The following MLC1 variants were observed in gnomAD, a reference collection of about 807,000 sequenced individuals.
The protein encoded by MLC1 is modulator of VRAC current 1.
MLC1 carries 32 observed loss-of-function variants against 44.7 expected under a neutral mutation model. That is an observed-to-expected ratio of 0.72 (90% confidence interval 0.54 to 0.96). The LOEUF (loss-of-function observed/expected upper bound fraction) is 0.96. Ranked by LOEUF, MLC1 falls within the 40% of genes least tolerant of loss-of-function variation. MLC1 has a pLI of 0.00. For missense variants in MLC1, 459 were observed against 492.2 expected (o/e 0.93, Z 0.64); for synonymous variants, 190 against 213.0 (o/e 0.89, Z 0.94).
At position 50,085,147 on chromosome 22, in the gene MLC1, T is replaced by A. The variant is rs1196926699; in HGVS notation, c.-59-186A>T. 1.6e-5 allele frequency: 22 copies of A among 1,384,440 alleles called. No individual in the cohort carries two copies. The Admixed American group carries it at 6.5e-4, about 41-fold the overall frequency. The allele number at this position is 1,384,440 out of a possible 1,614,324, so 85.8% of individuals were successfully genotyped here. A position where few individuals can be genotyped will look rare whatever the true frequency, so the allele number is the denominator to read the frequency against. ...TTCCTAGAAAAACGGACCTGAATAG[T>A]CTGGGTTCAGGGTGAGATTCTACAC... is the stretch of plus-strand genomic sequence containing the variant. On this transcript the variant is annotated intron_variant, in intron 1 of 11. Transcript: ENST00000311597.
intron 10 of MLC1, among the ~76,000 whole-genome samples, chr22:50,067,573 G>A (rs375014263): frequency 1.0e-3 from 15 of 15,072 alleles, no homozygotes; most frequent in East Asian, 2.1e-3. Context: ...CCATCCCCCC[G>A]TCAGGCAGTG....
intron 9 of MLC1, among the ~76,000 whole-genome samples, chr22:50,069,051 C>T (rs1206682403): frequency 2.0e-5 from 3 of 150,618 alleles, no homozygotes; most frequent in Non-Finnish European, 3.0e-5. Context: ...TTTTGAGAGG[C>T]AGCCTAGCTG....
At chr22:50,081,059 G>GAAAGAAAGAAAGAAAGAAAGAGAAA (rs1484447304) in intron 3 of MLC1, among the ~76,000 whole-genome samples, 1 of 19,176 alleles carries the variant, frequency 5.2e-5, no homozygotes, top group African/African-American at 1.4e-4. Flanking sequence ...GAAAGAAAGA[G>GAAAGAAAGAAAGAAAGAAAGAGAAA]GAGGTCTGGT....
In MLC1 at chr22:50,061,231, G is replaced by A; in HGVS notation, c.*352C>T. 2.5e-6 allele frequency: 1 copy of A among 392,782 alleles called. No individual in the cohort carries two copies. The highest frequency in any genetic ancestry group is 3.6e-5 in the Admixed American group (1 of 27,506). 24.3% of individuals were successfully genotyped at this position (392,782 alleles called of 1,614,324 possible). A position where few individuals can be genotyped will look rare whatever the true frequency, so the allele number is the denominator to read the frequency against. ...GGTCAGGTCCAGAGAGCCCACTCCA[G>A]CCCAAGCCATGAGAGAGGCAGGAAG... On this transcript the variant is annotated 3_prime_UTR_variant, in exon 12 of 12. Transcript: ENST00000311597.
In MLC1 at chr22:50,074,292, C is replaced by T; in HGVS notation, c.638G>A (p.Gly213Glu). The T allele has an allele frequency of 6.2e-7, 1 of 1,614,120 alleles. No homozygotes were observed. Among genetic ancestry groups the T allele is most frequent in the Non-Finnish European group, 8.5e-7 (1 of 1,180,032 alleles). Residue 213 changes from glycine to glutamate, a missense_variant, in exon 8 of 12, where the codon GGG becomes GAG. Coordinates refer to ENST00000311597, the MANE Select transcript of MLC1 (RefSeq NM_015166.4). ...GTCATCCACGTTCAGGGCAATGATC[C>T]CCCCGAGGACGGCAGAGATGCCTGC... ...VIAGISAVLG[G>E]IIALNVDDSV...
At chr22:50,068,374 C>T in intron 10 of MLC1, 59 bp downstream of exon 10, 2 of 1,601,772 alleles carry the variant, frequency 1.2e-6, no homozygotes, top group Non-Finnish European at 1.7e-6. Context: ...CCAGCAAGGG[C>T]CAGGCCAACA....
Position 50,068,438 on chromosome 22 carries a change from T to C in MLC1, c.889A>G (p.Ile297Val), listed in dbSNP as rs2146811183. ...TGAAATAAAATACAACTCACTTTTA[T>C]GGCTGGCGGGTAATCCTTAAACATC... ...VEMFKDYPPA[I>V]KPSYDVLLLL... Residue 297 changes from isoleucine (I) to valine (V), a missense_variant, in exon 10 of 12, where the codon ATA (isoleucine) becomes GTA (valine). By Grantham distance (29) the Ile-to-Val change is conservative. Transcript: ENST00000311597. 6.2e-7 allele frequency: 1 copy of C among 1,613,726 alleles called. No individual in the cohort carries two copies. The highest frequency in any genetic ancestry group is 8.5e-7 in the Non-Finnish European group (1 of 1,179,714).
chr22:50,081,029 G>GAAAGAAAGAAAGAAAGAAAGAAAC (rs1555968033), intron 3 of MLC1, among the ~76,000 whole-genome samples: 1 of 145,956 alleles, frequency 6.9e-6, no homozygotes, highest in African/African-American at 2.7e-5. Context: ...AAGAAAGAAA[G>GAAAGAAAGAAAGAAAGAAAGAAAC]AAAGAAAGAA....
At chr22:50,085,231 C>T (rs749080863) in intron 1 of MLC1, 124 bp downstream of exon 1, 142 of 1,232,070 alleles carry the variant, frequency 1.2e-4, no homozygotes, top group Non-Finnish European at 1.3e-4. Context: ...CAACATCCAT[C>T]GGCAACTTCG....
chr22:50,064,605 A>G (rs561768215), intron 10 of MLC1, among the ~76,000 whole-genome samples: 42 of 150,924 alleles, frequency 2.8e-4, no homozygotes, highest in Admixed American at 6.0e-4. Context: ...CGGAGGAGAC[A>G]GGGGGCAGCC....
chr22:50,082,626 C>T (rs1055161944), intron 3 of MLC1, among the ~76,000 whole-genome samples: 1 of 152,186 alleles, frequency 6.6e-6, no homozygotes, highest in African/African-American at 2.4e-5. Context: ...ATGAACTCTA[C>T]GTGAAACTAA....
intron 9 of MLC1, among the ~76,000 whole-genome samples, chr22:50,070,263 TCTC>T (rs1393284403): frequency 6.6e-6 from 1 of 152,106 alleles, no homozygotes; most frequent in East Asian, 1.9e-4. Flanking sequence ...CAGACACTGG[TCTC>T]CTTCCAAGGG....
In MLC1 at chr22:50,061,356, C is replaced by T. The variant is rs922858243; in HGVS notation, c.*227G>A. 8 of 587,054 alleles carry T rather than the reference C, an allele frequency of 1.4e-5. No homozygotes were observed. Among genetic ancestry groups the T allele is most frequent in the Middle Eastern group, 4.6e-4 (1 of 2,154 alleles). 36.4% of individuals were successfully genotyped at this position (587,054 alleles called of 1,614,324 possible). On this transcript the variant is annotated 3_prime_UTR_variant, in exon 12 of 12. Transcript: ENST00000311597. ...CGGCCATGCTCCTGCTGTTACGACA[C>T]GGGAGCCACTCGGAGCTGACTGATC...
At chr22:50,082,184 C>T (rs1259362060) in intron 3 of MLC1, among the ~76,000 whole-genome samples, 1 of 89,794 alleles carries the variant, frequency 1.1e-5, no homozygotes, top group African/African-American at 3.9e-5. Context: ...CCGCGGCTTG[C>T]GGGCCAGAGG....
At chr22:50,077,055 G>A (rs2062001765) in intron 6 of MLC1, 143 bp from the exon 7 acceptor site, 1 of 823,790 alleles carries the variant, frequency 1.2e-6, no homozygotes, top group Non-Finnish European at 2.1e-6. Context: ...GTGGATCTTT[G>A]GGCTTGAGGA....
chr22:50,069,964 G>A (rs2061809035), intron 9 of MLC1, among the ~76,000 whole-genome samples: 1 of 152,176 alleles, frequency 6.6e-6, no homozygotes, highest in African/African-American at 2.4e-5. Context: ...CACTTTGGGA[G>A]GTTGAGGTGA....
intron 5 of MLC1, among the ~76,000 whole-genome samples, chr22:50,079,267 G>A (rs1056911816): frequency 2.0e-5 from 3 of 151,892 alleles, no homozygotes; most frequent in African/African-American, 7.3e-5. Flanking sequence ...CTGGGCGACA[G>A]AGCGAGATTC....
chr22:50,061,233 C>T lies in MLC1; in HGVS notation c.*350G>A. 1 of 394,538 alleles carries T rather than the reference C, an allele frequency of 2.5e-6. No individual in the cohort carries two copies. The highest frequency in any genetic ancestry group is 4.8e-6 in the Non-Finnish European group (1 of 207,336). The allele number at this position is 394,538 out of a possible 1,614,324, so 24.4% of individuals were successfully genotyped here. ...TCAGGTCCAGAGAGCCCACTCCAGC[C>T]CAAGCCATGAGAGAGGCAGGAAGAG... On this transcript the variant is annotated 3_prime_UTR_variant, in exon 12 of 12. Transcript: ENST00000311597.
chr22:50,060,725 G>A lies in MLC1; in HGVS notation c.*858C>T, dbSNP rs1016802747. On this transcript the variant is annotated 3_prime_UTR_variant, in exon 12 of 12. Transcript: ENST00000311597. ...AGCGGCCACGTGGCACTCCAAGCTG[G>A]GCATGACAGTGCCCGGGACGTGGGC... is the stretch of plus-strand genomic sequence containing the variant. The A allele has an allele frequency of 1.6e-5, 2 of 123,358 alleles. No homozygotes were observed. Among genetic ancestry groups the A allele is most frequent in the East Asian group, 4.4e-4 (2 of 4,522 alleles). 7.6% of individuals were successfully genotyped at this position (123,358 alleles called of 1,614,324 possible). A position where few individuals can be genotyped will look rare whatever the true frequency, so the allele number is the denominator to read the frequency against.
Sources: allele counts gnomAD v4.1 joint callset (sites outside exome capture counted in the v4.1 genomes callset), GRCh38; gene constraint gnomAD v4.1.1; transcripts MANE v1.5; gene names NCBI Gene and HGNC (gene_info 2026-07-23, HGNC 2026-07-21).